Variants in ZNF462 observed in about 807,000 individuals in gnomAD.
ZNF462 encodes zinc finger PBX1-interacting protein.
In ZNF462, 10 loss-of-function variants were observed where a neutral mutation model predicts 201.9. The ratio of observed to expected loss-of-function variants is 0.05; its 90% CI spans 0.03 to 0.08. The LOEUF (loss-of-function observed/expected upper bound fraction) is 0.08, where lower values mean the gene tolerates loss of function less well. Ranked by LOEUF, ZNF462 falls within the 10% of genes least tolerant of loss-of-function variation. The pLI is 1.00. For missense variants in ZNF462, 2,523 were observed against 3,168.3 expected, an observed-to-expected ratio of 0.80 and a Z score of 4.89; for synonymous variants, 1,227 against 1,193.3, an observed-to-expected ratio of 1.03 and a Z score of -0.58.
intron 7 of ZNF462, among the ~76,000 whole-genome samples, chr9:106,958,363 G>A (rs1831674479): frequency 6.6e-6 from 1 of 151,980 alleles, no homozygotes; most frequent in Admixed American, 6.6e-5. Context: ...CTGTTCATTG[G>A]GCCCTGCATT....
Position 106,925,429 on chromosome 9 carries a change from G to A in ZNF462, c.1517G>A (p.Ser506Asn), listed in dbSNP as rs772720432. ...GATTGGGATGCTGTGAATTCCCAGA[G>A]TGAAAGCATTTCTTCCTCACTGAAT... The part of the protein sequence containing the change: ...TSDWDAVNSQ[S>N]ESISSSLNEG... The change falls in exon 3 of 13, where the codon AGT becomes AAT. Residue 506 changes from serine (S) to asparagine (N), a missense_variant. Ser to Asn is a conservative substitution (Grantham distance 46). Transcript: ENST00000277225. This position sits in a 1 kb window ranked among gnomAD's most constrained non-coding sequence, Gnocchi z 7.9. 3.1e-6 allele frequency: 5 copies of A among 1,614,092 alleles called. No individual in the cohort carries two copies. The highest frequency in any genetic ancestry group is 1.3e-5 in the African/African-American group (1 of 74,918).
intron 7 of ZNF462, among the ~76,000 whole-genome samples, chr9:106,941,972 A>G (rs907447279): frequency 1.3e-5 from 2 of 152,218 alleles, no homozygotes; most frequent in Non-Finnish European, 1.5e-5. Flanking sequence ...TGTGAAATCC[A>G]ATTGCACATT....
rs555833448 is a variant in ZNF462, at chr9:106,943,399, G to A, written c.6427+4292G>A. 7.2e-4 allele frequency among the ~76,000 whole-genome samples: 109 copies of A among 152,236 alleles called. No homozygotes were observed. In the Middle Eastern group the frequency reaches 0.014, roughly 19 times the overall value. On this transcript the variant is annotated intron_variant, in intron 7 of 12. Coordinates refer to ENST00000277225, the MANE Select transcript of ZNF462 (RefSeq NM_021224.6). ...CTGTCATATCAAAGTCTTCAGCATT[G>A]CATCCAAAGTTCACCATTTAGTCAT...
intron 1 of ZNF462, among the ~76,000 whole-genome samples, chr9:106,922,621 G>A (rs538071085): frequency 3.3e-4 from 50 of 152,228 alleles, no homozygotes; most frequent in Middle Eastern, 6.8e-3. Flanking sequence ...ATCCAAAGTT[G>A]GTTGTTTGAA....
rs771313359 is a variant in ZNF462 at position 106,935,576 on chromosome 9, T to C, written c.6190T>C (p.Ser2064Pro). 6.2e-7 allele frequency: 1 copy of C among 1,613,948 alleles called. No homozygotes were observed. The highest frequency in any genetic ancestry group is 8.5e-7 in the Non-Finnish European group (1 of 1,179,970). The change falls in exon 6 of 13, where the codon TCC (serine) becomes CCC (proline). Residue 2064 changes from serine to proline, a missense_variant. By Grantham distance (74) the Ser-to-Pro change is moderately conservative. This residue lies in a region of ZNF462 where 138 missense variants were observed against 146.3 expected (regional missense o/e 0.94). Transcript: ENST00000277225. This position sits in a 1 kb window ranked among gnomAD's most constrained non-coding sequence, Gnocchi z 4.1. ...FRCKLCSFKS[S>P]YNSRLKTHIL... ...ATGCAAACTCTGCTCCTTCAAGTCC[T>C]CCTATAACAGCCGGCTGAAAACACA...
chr9:106,864,689 GA>G (rs112497217), intron 1 of ZNF462, among the ~76,000 whole-genome samples: 14 of 149,178 alleles, frequency 9.4e-5, no homozygotes, highest in East Asian at 2.0e-4. Flanking sequence ...CCCCAACCAA[GA>G]AAAAAAAAAG....
chr9:106,965,902 A>G (rs1832049979), intron 7 of ZNF462, among the ~76,000 whole-genome samples: 1 of 152,104 alleles, frequency 6.6e-6, no homozygotes, highest in African/African-American at 2.4e-5. Flanking sequence ...TAGAAGTTGC[A>G]TGGCATCCCA....
At position 106,880,064 on chromosome 9, in the gene ZNF462, T is replaced by C. The variant is rs1467337645; in HGVS notation, c.-31+16709T>C. On this transcript the variant is annotated intron_variant, in intron 1 of 12. Coordinates refer to ENST00000277225, the MANE Select transcript of ZNF462 (RefSeq NM_021224.6). This position sits in a 1 kb window ranked among gnomAD's most constrained non-coding sequence, Gnocchi z 4.1. ...ATCTGAGACTGTGTTCTATATGCAT[T>C]CAAGGCATGGAGTATTCCAGAGCTT... is the stretch of plus-strand genomic sequence containing the variant. Among the ~76,000 whole-genome samples, 4 of 152,168 alleles carry C rather than the reference T, an allele frequency of 2.6e-5. No individual in the cohort carries two copies. The highest frequency in any genetic ancestry group is 9.7e-5 in the African/African-American group (4 of 41,436).
chr9:106,948,391 A>G (rs1258707487), intron 7 of ZNF462, among the ~76,000 whole-genome samples: 1 of 152,220 alleles, frequency 6.6e-6, no homozygotes, highest in African/African-American at 2.4e-5. Flanking sequence ...GCTAGCATCA[A>G]TAGGTCTTCA....
At position 106,939,040 on chromosome 9, in the gene ZNF462, C is replaced by T. The variant is rs963066982; in HGVS notation, c.6360C>T (p.Leu2120=). ...LTLPRPRIVS[L]LSSHSHHSSQ... ...TCCCCAGGCCACGGATCGTCAGTCT[C>T]CTCTCCTCACACTCCCACCACTCCT... Residue 2120 remains leucine (L), a synonymous_variant, in exon 7 of 13, where the codon CTC becomes CTT. Transcript: ENST00000277225. 2 of 1,613,970 alleles carry T rather than the reference C, an allele frequency of 1.2e-6. No homozygotes were observed. The highest frequency in any genetic ancestry group is 1.1e-5 in the South Asian group (1 of 91,064).
chr9:106,975,404 G>A (rs149775475), intron 9 of ZNF462: 209 of 152,310 alleles, frequency 1.4e-3, no homozygotes, highest in African/African-American at 4.8e-3. Context: ...CTGAGCCATT[G>A]CCTTTGGCCA....
At chr9:106,936,722 G>T (rs1365499908) in intron 6 of ZNF462, among the ~76,000 whole-genome samples, 1 of 152,198 alleles carries the variant, frequency 6.6e-6, no homozygotes, top group African/African-American at 2.4e-5. Context: ...CACTATCCTG[G>T]TGAGTTTTGC....
intron 10 of ZNF462, among the ~76,000 whole-genome samples, chr9:106,996,686 T>G (rs1828757728): frequency 6.6e-6 from 1 of 152,214 alleles, no homozygotes; most frequent in African/African-American, 2.4e-5. Context: ...TGTAAATTTG[T>G]TTAAGTTCTT....
At chr9:106,955,205 G>A (rs1453563093) in intron 7 of ZNF462, among the ~76,000 whole-genome samples, 1 of 152,094 alleles carries the variant, frequency 6.6e-6, no homozygotes, top group Non-Finnish European at 1.5e-5. Flanking sequence ...TAACATACAG[G>A]AATACCTTGG....
In ZNF462 at chr9:106,930,540, G is replaced by C; in HGVS notation, c.5863G>C (p.Glu1955Gln). 6.2e-7 allele frequency: 1 copy of C among 1,614,130 alleles called. No individual in the cohort carries two copies. Among genetic ancestry groups the C allele is most frequent in the South Asian group, 1.1e-5 (1 of 91,072 alleles). ...ATTTTACCAGCCTTTTGGTCACTTA[G>C]AAGAGGTGCCAAAGATCAAGGAGAG... is the stretch of plus-strand genomic sequence containing the variant. ...FKQERPFGHL[E>Q]EVPKIKERKV... is the part of the protein sequence containing the mutation. Residue 1955 changes from glutamate to glutamine, a missense_variant, in exon 4 of 13, where the codon GAA (glutamate) becomes CAA (glutamine). Physicochemically the swap from Glu to Gln is conservative, Grantham distance 29. This residue lies in a region of ZNF462 where 107 missense variants were observed against 187.7 expected (regional missense o/e 0.57). Transcript: ENST00000277225. The surrounding 1 kb of genome is among the most constrained non-coding windows in gnomAD (Gnocchi z 5.8).
chr9:106,964,553 A>G (rs1313648562), intron 7 of ZNF462, among the ~76,000 whole-genome samples: 1 of 151,956 alleles, frequency 6.6e-6, no homozygotes, highest in Non-Finnish European at 1.5e-5. Flanking sequence ...TCCAGTTTCC[A>G]TTTCTTTGAA....
chr9:106,918,198 T>C (rs1829855775), intron 1 of ZNF462, among the ~76,000 whole-genome samples: 2 of 152,286 alleles, frequency 1.3e-5, no homozygotes, highest in East Asian at 3.9e-4. Flanking sequence ...TTTTACACTA[T>C]AACATGGAGA....
In ZNF462 at chr9:106,938,845, G is replaced by A; in HGVS notation, c.6236-71G>A. 6.8e-7 allele frequency: 1 copy of A among 1,460,314 alleles called. No individual in the cohort carries two copies. The highest frequency in any genetic ancestry group is 9.2e-7 in the Non-Finnish European group (1 of 1,086,190). 90.5% of individuals were successfully genotyped at this position (1,460,314 alleles called of 1,614,324 possible). On this transcript the variant is annotated intron_variant, in intron 6 of 12. Transcript: ENST00000277225. This position sits in a 1 kb window ranked among gnomAD's most constrained non-coding sequence, Gnocchi z 4.4. Reference sequence around the variant, plus strand: ...TAGCATGAGTTAACTGAGTTATCTTGTTTCCACCCTGGCCTTATACCCTTC... The same window carrying A: ...TAGCATGAGTTAACTGAGTTATCTTATTTCCACCCTGGCCTTATACCCTTC...
In ZNF462 at chr9:106,929,369, A is replaced by G. The variant is rs746370077; in HGVS notation, c.5457A>G (p.Thr1819=). The part of the protein sequence containing the change: ...AVYADEHEKP[T]LMEEEERGNF... ...ATGCAGATGAGCATGAGAAGCCCACACTGATGGAAGAAGAGGAGAGAGGCA... is the reference window on the plus strand; with the variant it reads ...ATGCAGATGAGCATGAGAAGCCCACGCTGATGGAAGAAGAGGAGAGAGGCA... Residue 1819 remains threonine, a synonymous_variant, in exon 3 of 13, where the codon ACA becomes ACG. Transcript: ENST00000277225. This position sits in a 1 kb window ranked among gnomAD's most constrained non-coding sequence, Gnocchi z 8.7. 3.7e-6 allele frequency: 6 copies of G among 1,614,114 alleles called. No individual in the cohort carries two copies. Among genetic ancestry groups the G allele is most frequent in the Admixed American group, 1.7e-5 (1 of 60,016 alleles).
Sources: allele counts gnomAD v4.1 joint callset (sites outside exome capture counted in the v4.1 genomes callset), GRCh38; gene constraint gnomAD v4.1.1; regional missense constraint gnomAD v4.1.1; non-coding constraint Gnocchi (gnomAD v3.1); transcripts MANE v1.5; gene names NCBI Gene and HGNC (gene_info 2026-07-23, HGNC 2026-07-21).